The following CD163L1 variants were observed in gnomAD, a reference collection of about 807,000 sequenced individuals.
CD163L1 encodes CD163 molecule like 1.
In CD163L1, 124 loss-of-function variants were observed where a neutral mutation model predicts 165.4. That is an observed-to-expected ratio of 0.75 (90% CI 0.65 to 0.87). The LOEUF (loss-of-function observed/expected upper bound fraction) is 0.87, where lower values mean the gene tolerates loss of function less well. Ranked by LOEUF, CD163L1 falls within the 40% of genes least tolerant of loss-of-function variation. CD163L1 has a pLI of 0.00. For synonymous variants in CD163L1, 585 were observed against 662.2 expected, an observed-to-expected ratio of 0.88 and a Z score of 1.79; for missense variants, 1,525 against 1,799.9, an observed-to-expected ratio of 0.85 and a Z score of 2.76.
chr12:7,329,012 A>G, the CD163L1 span, among the ~76,000 whole-genome samples: 1 of 148,320 alleles, frequency 6.7e-6, no homozygotes, highest in Non-Finnish European at 1.5e-5. Context: ...ATATAGATAT[A>G]TCTGTATTAA....
At chr12:7,393,991 C>CTG (rs1947717401) in intron 8 of CD163L1, among the ~76,000 whole-genome samples, 1 of 152,008 alleles carries the variant, frequency 6.6e-6, no homozygotes, top group East Asian at 1.9e-4. Context: ...AATGGCCATA[C>CTG]TGCCCAAGGT....
At chr12:7,367,985 A>G in intron 17 of CD163L1, 102 bp downstream of exon 17, 1 of 724,702 alleles carries the variant, frequency 1.4e-6, no homozygotes, top group Non-Finnish European at 2.5e-6. Flanking sequence ...CATCTCACTC[A>G]AAGTGGCAAG....
intron 2 of CD163L1, among the ~76,000 whole-genome samples, chr12:7,436,634 T>C (rs976504172): frequency 1.6e-4 from 25 of 152,050 alleles, no homozygotes; most frequent in Admixed American, 5.9e-4. Flanking sequence ...TAGCTGGGTA[T>C]AGTGGCACAC....
chr12:7,441,651 C>T (rs1280285892), intron 1 of CD163L1, among the ~76,000 whole-genome samples: 2 of 152,216 alleles, frequency 1.3e-5, no homozygotes, highest in South Asian at 2.1e-4. Context: ...TCATTTGCTC[C>T]TTTATTGAGT....
intron 19 of CD163L1, among the ~76,000 whole-genome samples, chr12:7,356,633 T>C (rs866743045): frequency 6.6e-6 from 1 of 152,156 alleles, no homozygotes; most frequent in South Asian, 2.1e-4. Context: ...AAAAGTGTTT[T>C]CAACATTATT....
rs147072934 is a variant in CD163L1, at chr12:7,419,519, A to G, written c.767-12667T>C. On this transcript the variant is annotated intron_variant, in intron 4 of 19. Transcript: ENST00000313599. ...AAAGCCTTAGCCAGAGAAATCAGAC[A>G]AGAGAAAGAAATACAGAGCATCCAA... Among the ~76,000 whole-genome samples, 436 of 152,172 alleles carry G rather than the reference A, an allele frequency of 2.9e-3. 3 individuals are homozygous for G. The highest frequency in any genetic ancestry group is 9.8e-3 in the African/African-American group (409 of 41,546).
At chr12:7,361,771 A>G (rs983497209) in intron 18 of CD163L1, among the ~76,000 whole-genome samples, 2 of 152,142 alleles carry the variant, frequency 1.3e-5, no homozygotes, top group African/African-American at 4.8e-5. Context: ...TACTTTTCAG[A>G]GTCCCAAGAT....
At chr12:7,323,310 T>G in the CD163L1 span, 1 of 1,610,300 alleles carries the variant, frequency 6.2e-7, no homozygotes, top group Non-Finnish European at 8.5e-7. Flanking sequence ...CCCTATGATG[T>G]CCAGGTAGGT....
At chr12:7,353,826 CTTTA>C (rs1946726861), downstream of CD163L1, among the ~76,000 whole-genome samples, 1 of 151,882 alleles carries the variant, frequency 6.6e-6, no homozygotes, top group Non-Finnish European at 1.5e-5. Flanking sequence ...AGGGATGGCT[CTTTA>C]TTTTAGTGTA....
At chr12:7,389,885 A>G (rs1481858653) in intron 8 of CD163L1, among the ~76,000 whole-genome samples, 2 of 149,856 alleles carry the variant, frequency 1.3e-5, no homozygotes, top group African/African-American at 4.9e-5. Context: ...ACTATTCACA[A>G]TAGCCATGAT....
rs1367868777 is a variant in CD163L1 at position 7,421,562 on chromosome 12, T to C, written c.766+10854A>G. ...ACGTACACATATACATATACATATA[T>C]GTACATATATACATGTACATATATA... On this transcript the variant is annotated intron_variant, in intron 4 of 19. Coordinates refer to ENST00000313599, the MANE Select transcript of CD163L1 (RefSeq NM_174941.6). Among the ~76,000 whole-genome samples, 357 of 133,460 alleles carry C rather than the reference T, an allele frequency of 2.7e-3. 2 individuals are homozygous for C. The highest frequency in any genetic ancestry group is 9.5e-3 in the African/African-American group (323 of 34,006). 87.6% of individuals were successfully genotyped at this position (133,460 alleles called of 152,430 possible).
At chr12:7,411,614 T>C (rs2136548354) in intron 4 of CD163L1, among the ~76,000 whole-genome samples, 1 of 152,340 alleles carries the variant, frequency 6.6e-6, no homozygotes, top group African/African-American at 2.4e-5. Flanking sequence ...TCTGCCATGA[T>C]TGTAAGGTTT....
At chr12:7,357,816 T>C (rs1946808866) in intron 18 of CD163L1, among the ~76,000 whole-genome samples, 2 of 152,148 alleles carry the variant, frequency 1.3e-5, no homozygotes, top group Non-Finnish European at 2.9e-5. Context: ...AGCATCATTG[T>C]CTAAAGATAG....
chr12:7,352,313 C>A (rs1469539370), downstream of CD163L1, among the ~76,000 whole-genome samples: 1 of 152,036 alleles, frequency 6.6e-6, no homozygotes, highest in Non-Finnish European at 1.5e-5. Flanking sequence ...CAGTGGAAAT[C>A]TTTGGCTTTA....
chr12:7,324,383 T>A, the CD163L1 span: 1 of 1,614,118 alleles, frequency 6.2e-7, no homozygotes, highest in South Asian at 1.1e-5. Context: ...GAGCTGATGA[T>A]GTCATTATAT....
At chr12:7,385,186 G>A (rs145139277) in intron 8 of CD163L1, among the ~76,000 whole-genome samples, 1 of 150,044 alleles carries the variant, frequency 6.7e-6, no homozygotes, top group Non-Finnish European at 1.5e-5. Context: ...AAAACCAACA[G>A]CAAGTAGAAA....
intron 2 of CD163L1, among the ~76,000 whole-genome samples, chr12:7,435,870 AATAATTATAGCC>A (rs1278763590): frequency 6.6e-6 from 1 of 152,172 alleles, no homozygotes; most frequent in Admixed American, 6.5e-5. Context: ...CGAAAACTTA[AATAATTATAGCC>A]ATTGCAACAG....
chr12:7,380,678 T>C (rs1044883968), intron 8 of CD163L1, among the ~76,000 whole-genome samples: 7 of 152,116 alleles, frequency 4.6e-5, no homozygotes, highest in African/African-American at 7.2e-5. Flanking sequence ...TTGGGTTCAG[T>C]GTATACTGCT....
Position 7,367,119 on chromosome 12 carries a change from G to T in CD163L1, c.4279+117C>A, listed in dbSNP as rs762928695. 1.0e-5 allele frequency: 5 copies of T among 478,136 alleles called. No homozygotes were observed. The East Asian group carries it at 1.6e-4, about 15-fold the overall frequency. The allele number at this position is 478,136 out of a possible 1,614,324, so 29.6% of individuals were successfully genotyped here. A position where few individuals can be genotyped will look rare whatever the true frequency, so the allele number is the denominator to read the frequency against. On this transcript the variant is annotated intron_variant, in intron 18 of 19. Coordinates refer to ENST00000313599, the MANE Select transcript of CD163L1 (RefSeq NM_174941.6). ...TATTCCCCGTTTGTTTCCCTTTCGCGTATTTTGTATAAGAGGCTGAGACAC... is the reference window on the plus strand; with the variant it reads ...TATTCCCCGTTTGTTTCCCTTTCGCTTATTTTGTATAAGAGGCTGAGACAC...
Sources: gnomAD v4.1 joint callset for allele counts (sites outside exome capture counted in the v4.1 genomes callset) on GRCh38, gnomAD v4.1.1 for gene constraint, MANE v1.5 for transcripts, NCBI Gene and HGNC (gene_info 2026-07-23, HGNC 2026-07-21) for gene names.